Variants in TRIM24 observed in about 807,000 individuals in gnomAD.
TRIM24 encodes the protein transcription intermediary factor 1-alpha.
In TRIM24, 29 loss-of-function variants were observed where a neutral mutation model predicts 123.9. The ratio of observed to expected loss-of-function variants is 0.23; its 90% CI spans 0.17 to 0.32. The LOEUF (loss-of-function observed/expected upper bound fraction) is 0.32. TRIM24 is among the 10% of genes least tolerant of loss of function. The pLI is 1.00. For synonymous variants in TRIM24, 456 were observed against 461.1 expected (o/e 0.99, Z 0.14); for missense variants, 932 against 1,295.3 (o/e 0.72, Z 4.31).
At chr7:138,565,722 T>G (rs900014356) in intron 9 of TRIM24, among the ~76,000 whole-genome samples, 20 of 152,228 alleles carry the variant, frequency 1.3e-4, no homozygotes, top group African/African-American at 3.9e-4. Context: ...AAGACAGGGC[T>G]TGACTTTTAT....
intron 2 of TRIM24, among the ~76,000 whole-genome samples, chr7:138,512,134 T>C (rs1437968815): frequency 6.6e-6 from 1 of 152,172 alleles, no homozygotes; most frequent in African/African-American, 2.4e-5. Flanking sequence ...CAGGACACAC[T>C]GGTACTAGGG....
rs1018634766 is a variant in TRIM24, at chr7:138,586,459, C to G, written c.*1508C>G. 1.3e-5 allele frequency: 2 copies of G among 152,928 alleles called. No homozygotes were observed. The highest frequency in any genetic ancestry group is 4.8e-5 in the African/African-American group (2 of 41,426). 9.5% of individuals were successfully genotyped at this position (152,928 alleles called of 1,614,324 possible). ...TCCTGTGGCTAATTCATTGGGTTTT[C>G]AGGTACTGCTAAAGATAAAATACAG... On this transcript the variant is annotated 3_prime_UTR_variant, in exon 19 of 19. Transcript: ENST00000343526.
chr7:138,563,857 C>CT (rs2116655244), intron 9 of TRIM24, among the ~76,000 whole-genome samples: 1 of 152,320 alleles, frequency 6.6e-6, no homozygotes, highest in Admixed American at 6.5e-5. Context: ...CTCGGTACCT[C>CT]TGTAGGTACT....
chr7:138,570,990 C>T lies in TRIM24; in HGVS notation c.1865C>T (p.Pro622Leu). Residue 622 changes from proline to leucine, a missense_variant, in exon 11 of 19, where the codon CCC (proline) becomes CTC (leucine). Physicochemically the swap from Pro to Leu is moderately conservative, Grantham distance 98. Transcript: ENST00000343526. ...CCAGTGGGAGGGTCTTATAATCTTC[C>T]CTCTCTTCCGGATGTAAGTAGACAC... ...SSPVGGSYNL[P>L]SLPDIDCSST... 1 of 1,613,842 alleles carries T rather than the reference C, an allele frequency of 6.2e-7. No individual in the cohort carries two copies. Among genetic ancestry groups the T allele is most frequent in the Non-Finnish European group, 8.5e-7 (1 of 1,179,876 alleles).
chr7:138,505,585 G>A (rs1796137105), intron 2 of TRIM24, among the ~76,000 whole-genome samples: 1 of 151,790 alleles, frequency 6.6e-6, no homozygotes, highest in Admixed American at 6.6e-5. Context: ...TGCCCAGTCT[G>A]GAGTTCAGTG....
At chr7:138,472,099 G>T (rs1360021632) in intron 1 of TRIM24, among the ~76,000 whole-genome samples, 1 of 152,062 alleles carries the variant, frequency 6.6e-6, no homozygotes, top group Non-Finnish European at 1.5e-5. Flanking sequence ...GTTAAACAAT[G>T]AGAGGGAGAT....
In TRIM24 at chr7:138,587,022, C is replaced by G. The variant is rs2116703851; in HGVS notation, c.*2071C>G. ...TGGCTGAATGAAAGGCAGTTGAGAACCATCTTTTGGTCATACATAATATAA... is the reference window on the plus strand; with the variant it reads ...TGGCTGAATGAAAGGCAGTTGAGAAGCATCTTTTGGTCATACATAATATAA... On this transcript the variant is annotated 3_prime_UTR_variant, in exon 19 of 19. Transcript: ENST00000343526. 6.6e-6 allele frequency: 1 copy of G among 152,242 alleles called. No individual in the cohort carries two copies. Among genetic ancestry groups the G allele is most frequent in the African/African-American group, 2.4e-5 (1 of 41,530 alleles). The allele number at this position is 152,242 out of a possible 1,614,324, so 9.4% of individuals were successfully genotyped here.
intron 1 of TRIM24, among the ~76,000 whole-genome samples, chr7:138,467,534 G>C (rs1795171337): frequency 6.6e-6 from 1 of 152,072 alleles, no homozygotes; most frequent in Non-Finnish European, 1.5e-5. Flanking sequence ...GTAGAGACGG[G>C]GTTTCACCAT....
chr7:138,584,661 T>C, intron 18 of TRIM24, 81 bp from the exon 19 acceptor site: 8 of 1,170,602 alleles, frequency 6.8e-6, no homozygotes, highest in Non-Finnish European at 9.5e-6. Flanking sequence ...TGAACACTTT[T>C]CAAAACAGCT....
In TRIM24 at chr7:138,568,379, CTTTTTTTTTTTTTTTT is replaced by C. The variant is rs60386130; in HGVS notation, c.1704+740_1704+755del. On this transcript the variant is annotated intron_variant, in intron 10 of 18. Transcript: ENST00000343526. ...CTCGTAAGCCACCGTACCTGGCCTC[CTTTTTTTTTTTTTTTT>C]TTTTTTTTTTTTTTAAAGTCTCTCT... 4.2e-4 allele frequency among the ~76,000 whole-genome samples: 29 copies of C among 68,706 alleles called. 1 individual carries two copies. The South Asian group carries it at 0.014, about 33-fold the overall frequency. 45.1% of individuals were successfully genotyped at this position (68,706 alleles called of 152,430 possible). A position where few individuals can be genotyped will look rare whatever the true frequency, so the allele number is the denominator to read the frequency against.
chr7:138,505,802 T>C (rs1796141120), intron 2 of TRIM24, among the ~76,000 whole-genome samples: 1 of 152,214 alleles, frequency 6.6e-6, no homozygotes, highest in Non-Finnish European at 1.5e-5. Flanking sequence ...ATGTAGAACA[T>C]CTCTTTTGGC....
rs1797267222 is a variant in TRIM24, at chr7:138,554,127, T to A, written c.1262-571T>A. Among the ~76,000 whole-genome samples the A allele has an allele frequency of 6.6e-6, 1 of 152,196 alleles. No homozygotes were observed. The highest frequency in any genetic ancestry group is 1.5e-5 in the Non-Finnish European group (1 of 68,036). ...TCAGATATTCTTCATTGATAAAGAA[T>A]GATAATCTCCGGGTTGGCCACTCCT... On this transcript the variant is annotated intron_variant, in intron 8 of 18. Transcript: ENST00000343526. This position sits in a 1 kb window ranked among gnomAD's most constrained non-coding sequence, Gnocchi z 4.5.
chr7:138,462,046 T>C (rs1794994657), intron 1 of TRIM24, among the ~76,000 whole-genome samples: 1 of 152,216 alleles, frequency 6.6e-6, no homozygotes, highest in African/African-American at 2.4e-5. Context: ...AGATACTGAC[T>C]GCCCTTTGTT....
intron 9 of TRIM24, among the ~76,000 whole-genome samples, chr7:138,562,675 T>G (rs1797450896): frequency 6.6e-6 from 1 of 152,194 alleles, no homozygotes; most frequent in Admixed American, 6.5e-5. Context: ...TGGCATCTAA[T>G]CTTTAGCCAG....
intron 4 of TRIM24, among the ~76,000 whole-genome samples, chr7:138,523,115 C>T (rs895973910): frequency 1.3e-5 from 2 of 152,048 alleles, no homozygotes; most frequent in Non-Finnish European, 2.9e-5. Flanking sequence ...TAGAAATAGT[C>T]AAAGCCAAAA....
At chr7:138,512,593 C>T (rs1016020228) in intron 2 of TRIM24, among the ~76,000 whole-genome samples, 6 of 152,168 alleles carry the variant, frequency 3.9e-5, no homozygotes, top group Admixed American at 1.3e-4. Flanking sequence ...CCCTGTGAAG[C>T]AGTGGCCTGA....
At chr7:138,500,468 T>C (rs1796012295) in intron 1 of TRIM24, among the ~76,000 whole-genome samples, 1 of 144,602 alleles carries the variant, frequency 6.9e-6, no homozygotes, top group Admixed American at 7.3e-5. Flanking sequence ...GAGGCTGAAG[T>C]GGGAGAATCA....
intron 17 of TRIM24, among the ~76,000 whole-genome samples, chr7:138,582,951 C>T (rs1797934259): frequency 6.6e-6 from 1 of 152,162 alleles, no homozygotes. Flanking sequence ...AAAATGTAAC[C>T]TTGAATTGTA....
At chr7:138,559,479 A>G (rs1435694805) in intron 9 of TRIM24, among the ~76,000 whole-genome samples, 2 of 152,180 alleles carry the variant, frequency 1.3e-5, no homozygotes, top group East Asian at 1.9e-4. Flanking sequence ...AAGGAAAGCT[A>G]TTGGACCTAA....
Sources: allele counts gnomAD v4.1 joint callset (sites outside exome capture counted in the v4.1 genomes callset), GRCh38; gene constraint gnomAD v4.1.1; non-coding constraint Gnocchi (gnomAD v3.1); transcripts MANE v1.5; gene names NCBI Gene and HGNC (gene_info 2026-07-23, HGNC 2026-07-21).